DAAM1: variants seen among roughly 807,000 people sequenced by gnomAD.
DAAM1 encodes the protein disheveled-associated activator of morphogenesis 1.
A neutral mutation model predicts 130.0 loss-of-function variants in DAAM1; 52 were observed. The ratio of observed to expected loss-of-function variants is 0.40; its 90% CI spans 0.32 to 0.50. The LOEUF (loss-of-function observed/expected upper bound fraction) is 0.50, where lower values mean the gene tolerates loss of function less well. Among genes scored for constraint, DAAM1 ranks in the 20% least tolerant of loss-of-function variants. DAAM1 has a pLI of 0.61. For synonymous variants in DAAM1, 452 were observed against 444.5 expected (o/e 1.02, Z -0.21); for missense variants, 1,134 against 1,303.8 (o/e 0.87, Z 2.01).
rs919334274 is a variant in DAAM1, at chr14:59,370,056, A to AAAAT, written c.*1201_*1204dup. 6.6e-6 allele frequency: 1 copy of AAAAT among 151,866 alleles called. No individual in the cohort carries two copies. The highest frequency in any genetic ancestry group is 2.4e-5 in the African/African-American group (1 of 41,410). 9.4% of individuals were successfully genotyped at this position (151,866 alleles called of 1,614,324 possible). A position where few individuals can be genotyped will look rare whatever the true frequency, so the allele number is the denominator to read the frequency against. On this transcript the variant is annotated 3_prime_UTR_variant, in exon 25 of 25. Coordinates refer to ENST00000360909, the MANE Select transcript of DAAM1 (RefSeq NM_001270520.2). Reference sequence around the variant, plus strand: ...CATGAATAAAATCAATGAACATTAGAAAATAAAATATAGATGCTTACCATT... The same window carrying AAAAT: ...CATGAATAAAATCAATGAACATTAGAAAATAAATAAAATATAGATGCTTACCATT...
intron 20 of DAAM1, among the ~76,000 whole-genome samples, chr14:59,357,543 C>A (rs1886530897): frequency 6.6e-6 from 1 of 152,100 alleles, no homozygotes; most frequent in Non-Finnish European, 1.5e-5. Flanking sequence ...CTTTGGGAGG[C>A]CGAGGCCGGA....
intron 16 of DAAM1, among the ~76,000 whole-genome samples, chr14:59,340,901 G>A (rs948137718): frequency 3.3e-5 from 5 of 152,190 alleles, no homozygotes; most frequent in African/African-American, 1.2e-4. Flanking sequence ...TGCTTATGGA[G>A]TGAGTGAAGA....
At chr14:59,336,094 G>A (rs1885617833) in intron 15 of DAAM1, among the ~76,000 whole-genome samples, 1 of 151,296 alleles carries the variant, frequency 6.6e-6, no homozygotes, top group East Asian at 1.9e-4. Context: ...ATCAGATGTG[G>A]GGTTTTATAT....
At chr14:59,333,536 A>G (rs1008747449) in intron 15 of DAAM1, among the ~76,000 whole-genome samples, 1 of 152,218 alleles carries the variant, frequency 6.6e-6, no homozygotes, top group Non-Finnish European at 1.5e-5. Flanking sequence ...TGGCCTTGAC[A>G]TGGAATCTTG....
At chr14:59,347,866 C>A (rs1332659508) in intron 17 of DAAM1, among the ~76,000 whole-genome samples, 1 of 152,224 alleles carries the variant, frequency 6.6e-6, no homozygotes. Context: ...CAGCATCCCT[C>A]AAGCTGCAAT....
At chr14:59,315,456 A>G in intron 4 of DAAM1, 105 bp downstream of exon 4, 2 of 1,059,274 alleles carry the variant, frequency 1.9e-6, no homozygotes, top group South Asian at 3.0e-5. Context: ...ACCAAATGTC[A>G]GTACCTTTCC....
In DAAM1 at chr14:59,326,095, TCA is replaced by T; in HGVS notation, c.1174+21_1174+22del. 2 of 1,603,116 alleles carry T rather than the reference TCA, an allele frequency of 1.2e-6. No homozygotes were observed. The highest frequency in any genetic ancestry group is 1.7e-6 in the Non-Finnish European group (2 of 1,169,922). On this transcript the variant is annotated intron_variant, in intron 10 of 24. Coordinates refer to ENST00000360909, the MANE Select transcript of DAAM1 (RefSeq NM_001270520.2). ...AATGCCTTGTAAGTGTGTTCGTGAC[TCA>T]CATGTGTGCTTCTGAATGTTTGGAC...
intron 15 of DAAM1, among the ~76,000 whole-genome samples, chr14:59,333,138 G>A (rs1243183363): frequency 1.3e-5 from 2 of 152,058 alleles, no homozygotes; most frequent in African/African-American, 2.4e-5. Flanking sequence ...AAATGGGGGG[G>A]AAAAGCCAAT....
intron 1 of DAAM1, among the ~76,000 whole-genome samples, chr14:59,224,055 A>G (rs1417888768): frequency 1.3e-5 from 2 of 152,192 alleles, no homozygotes; most frequent in African/African-American, 2.4e-5. Flanking sequence ...AAGTTGATGT[A>G]CCTCTGAGGC....
intron 1 of DAAM1, among the ~76,000 whole-genome samples, chr14:59,263,003 A>G (rs1045104481): frequency 2.0e-5 from 3 of 152,300 alleles, no homozygotes; most frequent in South Asian, 2.1e-4. Flanking sequence ...ATGTTATTCT[A>G]TTTAGGGAAG....
At chr14:59,277,637 A>G (rs1883029219) in intron 2 of DAAM1, among the ~76,000 whole-genome samples, 2 of 152,208 alleles carry the variant, frequency 1.3e-5, no homozygotes, top group South Asian at 4.1e-4. Flanking sequence ...GCTTGATGCA[A>G]AGGTTTCTCC....
chr14:59,231,360 G>A (rs1277981882), intron 1 of DAAM1, among the ~76,000 whole-genome samples: 4 of 152,134 alleles, frequency 2.6e-5, no homozygotes, highest in African/African-American at 9.7e-5. Flanking sequence ...AAAAGTGCAA[G>A]CAATAATGAT....
At chr14:59,201,216 G>A (rs946452881) in intron 1 of DAAM1, among the ~76,000 whole-genome samples, 1 of 151,706 alleles carries the variant, frequency 6.6e-6, no homozygotes, top group African/African-American at 2.4e-5. Flanking sequence ...CAACAAAAGG[G>A]GAAAATAGGT....
chr14:59,326,169 G>A (rs1885195129), intron 10 of DAAM1, 92 bp downstream of exon 10: 1 of 1,193,840 alleles, frequency 8.4e-7, no homozygotes, highest in East Asian at 2.4e-5. Context: ...ATTACATTGG[G>A]TGCACACCAG....
chr14:59,230,914 A>G (rs932364114), intron 1 of DAAM1, among the ~76,000 whole-genome samples: 4 of 152,194 alleles, frequency 2.6e-5, no homozygotes, highest in African/African-American at 7.2e-5. Context: ...ATTATATGGC[A>G]TGTGGGATTC....
At chr14:59,357,498 G>A (rs1886528283) in intron 20 of DAAM1, among the ~76,000 whole-genome samples, 2 of 152,208 alleles carry the variant, frequency 1.3e-5, no homozygotes, top group South Asian at 2.1e-4. Context: ...TGAAATGGAG[G>A]CTGGGTGCAG....
chr14:59,350,331 C>A (rs1886242643), intron 17 of DAAM1, among the ~76,000 whole-genome samples: 1 of 152,066 alleles, frequency 6.6e-6, no homozygotes, highest in South Asian at 2.1e-4. Context: ...ACTCTTAGCT[C>A]ATTCAAGTGT....
intron 15 of DAAM1, among the ~76,000 whole-genome samples, chr14:59,338,041 G>T (rs868160462): frequency 2.6e-4 from 39 of 152,166 alleles, no homozygotes; most frequent in African/African-American, 9.2e-4. Flanking sequence ...AATAAATGGA[G>T]CCAGTGGTCA....
intron 1 of DAAM1, among the ~76,000 whole-genome samples, chr14:59,211,896 C>T (rs1221849057): frequency 1.3e-5 from 2 of 152,132 alleles, no homozygotes; most frequent in Admixed American, 1.3e-4. Context: ...ATATTTTTCT[C>T]ATTAATGATG....
Sources: allele counts gnomAD v4.1 joint callset (sites outside exome capture counted in the v4.1 genomes callset), GRCh38; gene constraint gnomAD v4.1.1; transcripts MANE v1.5; gene names NCBI Gene and HGNC (gene_info 2026-07-23, HGNC 2026-07-21).